Variants in LRRFIP1 observed in about 807,000 individuals in gnomAD.
LRRFIP1 encodes LRR binding FLII interacting protein 1.
Under a neutral mutation model 104.4 loss-of-function variants are expected in LRRFIP1, and 62 were observed. The ratio of observed to expected loss-of-function variants is 0.59; its 90% confidence interval spans 0.48 to 0.73. The LOEUF (loss-of-function observed/expected upper bound fraction) is 0.73, where lower values mean the gene tolerates loss of function less well. LRRFIP1 is among the 30% of genes least tolerant of loss of function. The pLI, the probability that LRRFIP1 is intolerant of heterozygous loss-of-function variation, is 0.00. For missense variants in LRRFIP1, 796 were observed against 824.5 expected, an observed-to-expected ratio of 0.97 and a Z score of 0.42; for synonymous variants, 300 against 299.0, an observed-to-expected ratio of 1.00 and a Z score of -0.03.
intron 19 of LRRFIP1, chr2:237,769,630 T>C (rs1576410963): frequency 3.1e-6 from 1 of 325,202 alleles, no homozygotes; most frequent in Non-Finnish European, 5.8e-6. Context: ...ATGAAGCCTG[T>C]GAGATCTTGT....
chr2:237,749,530 A>AC (rs1162222792), intron 13 of LRRFIP1, among the ~76,000 whole-genome samples: 1 of 151,604 alleles, frequency 6.6e-6, no homozygotes, highest in African/African-American at 2.4e-5. Flanking sequence ...CTACCCACTG[A>AC]CCCCCCAGCA....
At chr2:237,729,067 C>T (rs1367384439) in intron 8 of LRRFIP1, among the ~76,000 whole-genome samples, 1 of 152,202 alleles carries the variant, frequency 6.6e-6, no homozygotes, top group East Asian at 1.9e-4. Flanking sequence ...GGATTACAGG[C>T]ATCCACTACC....
intron 1 of LRRFIP1, among the ~76,000 whole-genome samples, chr2:237,673,405 C>A (rs952037903): frequency 5.3e-5 from 8 of 152,194 alleles, no homozygotes; most frequent in African/African-American, 1.9e-4. Flanking sequence ...GCCAGGGTCT[C>A]GCCAAGAGAG....
intron 7 of LRRFIP1, among the ~76,000 whole-genome samples, chr2:237,727,501 G>A (rs1429185139): frequency 6.6e-6 from 1 of 152,166 alleles, no homozygotes; most frequent in African/African-American, 2.4e-5. Context: ...GGCCTGGCAT[G>A]TGGCTTCTTG....
chr2:237,741,826 T>TA (rs1017777935), intron 11 of LRRFIP1, among the ~76,000 whole-genome samples: 60 of 142,248 alleles, frequency 4.2e-4, no homozygotes, highest in African/African-American at 9.6e-4. Flanking sequence ...AGGCTCCGTC[T>TA]AAAAAAAAAA....
intron 10 of LRRFIP1, among the ~76,000 whole-genome samples, chr2:237,738,258 C>G (rs964481102): frequency 1.4e-5 from 2 of 147,842 alleles, no homozygotes; most frequent in African/African-American, 2.7e-5. Flanking sequence ...CTTGAGCACC[C>G]GTGAAGATCT....
chr2:237,700,838 G>A (rs969404075), intron 1 of LRRFIP1, among the ~76,000 whole-genome samples: 4 of 152,180 alleles, frequency 2.6e-5, no homozygotes, highest in Non-Finnish European at 4.4e-5. Flanking sequence ...GTTCACATGC[G>A]GTGCTTTCCA....
At chr2:237,675,104 A>T (rs978783953) in intron 1 of LRRFIP1, among the ~76,000 whole-genome samples, 3 of 152,200 alleles carry the variant, frequency 2.0e-5, no homozygotes, top group African/African-American at 7.2e-5. Flanking sequence ...TCACACGCCC[A>T]GACACCACCC....
rs1220542205 is a variant in LRRFIP1, at chr2:237,779,718, C to T, written c.*186C>T. The T allele has an allele frequency of 5.7e-6, 3 of 522,886 alleles. No homozygotes were observed. The highest frequency in any genetic ancestry group is 1.0e-5 in the Non-Finnish European group (3 of 292,308). 32.4% of individuals were successfully genotyped at this position (522,886 alleles called of 1,614,324 possible). On this transcript the variant is annotated 3_prime_UTR_variant, in exon 24 of 24. Transcript: ENST00000308482. ...GGGAGCCCCAGCAGCCACCAGGTGC[C>T]TCTGTCTGCAGACCCCTGGCCCGGG... is the stretch of plus-strand genomic sequence containing the variant.
At chr2:237,736,822 A>C (rs60228301) in intron 10 of LRRFIP1, among the ~76,000 whole-genome samples, 7,050 of 152,294 alleles carry the variant, frequency 0.046, 501 homozygotes, top group African/African-American at 0.15. Flanking sequence ...CGGAAGGGAC[A>C]AAGAAGTTCC....
At chr2:237,635,252 A>G (rs1196903811) in intron 1 of LRRFIP1, among the ~76,000 whole-genome samples, 1 of 152,246 alleles carries the variant, frequency 6.6e-6, no homozygotes, top group Non-Finnish European at 1.5e-5. Flanking sequence ...ATTTTCCAAA[A>G]AATGATGAAC....
chr2:237,656,076 A>G (rs556206986), intron 1 of LRRFIP1, among the ~76,000 whole-genome samples: 10 of 152,346 alleles, frequency 6.6e-5, no homozygotes, highest in East Asian at 3.9e-4. Context: ...TGGGGAATAA[A>G]AGGTAAGGGG....
chr2:237,702,566 G>A (rs2093595883), intron 1 of LRRFIP1, among the ~76,000 whole-genome samples: 1 of 152,238 alleles, frequency 6.6e-6, no homozygotes. Context: ...AGAGGACACG[G>A]TGGGGGCAGC....
chr2:237,697,668 A>C (rs2093279447), intron 1 of LRRFIP1, among the ~76,000 whole-genome samples: 1 of 152,118 alleles, frequency 6.6e-6, no homozygotes, highest in Non-Finnish European at 1.5e-5. Flanking sequence ...AAACAATTTA[A>C]ATGTTTTTGT....
chr2:237,702,844 C>A (rs185484847), intron 1 of LRRFIP1, among the ~76,000 whole-genome samples: 2 of 152,104 alleles, frequency 1.3e-5, no homozygotes, highest in South Asian at 4.1e-4. Context: ...TTTAAAGAGC[C>A]CTGTGCCCCC....
chr2:237,760,740 G>A (rs1006211650), intron 19 of LRRFIP1, among the ~76,000 whole-genome samples: 32 of 152,288 alleles, frequency 2.1e-4, no homozygotes, highest in East Asian at 7.7e-4. Flanking sequence ...TCAAGCCACC[G>A]CTCGAGGTGG....
chr2:237,700,644 A>T (rs567213536), intron 1 of LRRFIP1, among the ~76,000 whole-genome samples: 1 of 152,174 alleles, frequency 6.6e-6, no homozygotes, highest in Non-Finnish European at 1.5e-5. Flanking sequence ...CGTCATTTCC[A>T]TCTGACATCT....
chr2:237,715,800 C>T (rs1292744117), intron 3 of LRRFIP1, among the ~76,000 whole-genome samples: 2 of 152,206 alleles, frequency 1.3e-5, no homozygotes, highest in Non-Finnish European at 2.9e-5. Flanking sequence ...TAGTGATTGA[C>T]GTTTGAAATG....
At chr2:237,653,183 G>A (rs1457987268) in intron 1 of LRRFIP1, among the ~76,000 whole-genome samples, 1 of 152,048 alleles carries the variant, frequency 6.6e-6, no homozygotes, top group Admixed American at 6.6e-5. Context: ...CCAGTCCCAG[G>A]TAACTGTTTA....
Sources: gnomAD v4.1 joint callset for allele counts (sites outside exome capture counted in the v4.1 genomes callset) on GRCh38, gnomAD v4.1.1 for gene constraint, MANE v1.5 for transcripts, NCBI Gene and HGNC (gene_info 2026-07-23, HGNC 2026-07-21) for gene names.